Variants in DNAJB1 observed in about 807,000 individuals in gnomAD.
DNAJB1 encodes DnaJ heat shock protein family (Hsp40) member B1.
DNAJB1 carries 14 observed loss-of-function variants against 24.0 expected under a neutral mutation model. The observed-to-expected ratio is 0.58, with a 90% CI of 0.39 to 0.91. The LOEUF (loss-of-function observed/expected upper bound fraction) is 0.91. Among genes scored for constraint, DNAJB1 ranks in the 40% least tolerant of loss-of-function variants. The pLI is 0.00. For synonymous variants in DNAJB1, 262 were observed against 174.4 expected, an observed-to-expected ratio of 1.50 and a Z score of -3.96; for missense variants, 517 against 458.1, an observed-to-expected ratio of 1.13 and a Z score of -1.17.
chr19:14,519,428 C>T (rs576039738), upstream of DNAJB1, among the ~76,000 whole-genome samples: 96 of 152,302 alleles, frequency 6.3e-4, no homozygotes, highest in African/African-American at 2.3e-3. Flanking sequence ...CAGCGCTATT[C>T]TCCCAACCGT....
intron 1 of DNAJB1, among the ~76,000 whole-genome samples, chr19:14,541,543 A>G (rs1365402356): frequency 2.0e-5 from 3 of 152,134 alleles, no homozygotes; most frequent in African/African-American, 7.2e-5. Context: ...CCTCTTATCA[A>G]TGCTAAGAAT....
chr19:14,531,671 C>G (rs2072671463), upstream of DNAJB1: 2 of 152,208 alleles, frequency 1.3e-5, no homozygotes, highest in African/African-American at 4.8e-5. Flanking sequence ...ATCCACCCAC[C>G]TTGGCCTCCC....
upstream of DNAJB1, chr19:14,518,531 G>A (rs1349157156): frequency 4.6e-6 from 2 of 437,028 alleles, no homozygotes; most frequent in Admixed American, 4.7e-5. Context: ...AGCGACACGC[G>A]ACATCCGGGG....
upstream of DNAJB1, among the ~76,000 whole-genome samples, chr19:14,522,487 G>GAAAAAAA (rs60019206): frequency 3.4e-5 from 2 of 59,256 alleles, no homozygotes; most frequent in African/African-American, 5.6e-5. Context: ...CTGTCTCGAA[G>GAAAAAAA]AAAAAAAAAA....
chr19:14,558,434 C>T (rs747331677), intron 1 of DNAJB1, among the ~76,000 whole-genome samples: 8 of 152,300 alleles, frequency 5.3e-5, no homozygotes, highest in South Asian at 2.1e-4. Flanking sequence ...CGCTTCACGC[C>T]GCACCGTGTG....
intron 1 of DNAJB1, among the ~76,000 whole-genome samples, chr19:14,556,072 C>T (rs558956746): frequency 4.2e-4 from 64 of 152,298 alleles, no homozygotes; most frequent in Admixed American, 3.2e-3. Flanking sequence ...TAAAAGCTAA[C>T]GTCCTCCCCG....
At chr19:14,545,006 G>C (rs2146586995) in intron 1 of DNAJB1, 3 of 442,094 alleles carry the variant, frequency 6.8e-6, no homozygotes. Context: ...TCCCTTCTCT[G>C]TTCCCTCCCT....
chr19:14,552,968 G>T (rs1294154292), upstream of DNAJB1, among the ~76,000 whole-genome samples: 2 of 152,122 alleles, frequency 1.3e-5, no homozygotes, highest in African/African-American at 2.4e-5. Context: ...GGGTGGGCCA[G>T]TGCTCCTCGG....
upstream of DNAJB1, chr19:14,530,686 C>T (rs968828631): frequency 1.3e-5 from 2 of 152,122 alleles, no homozygotes; most frequent in Non-Finnish European, 2.9e-5. Context: ...GTCTTAGTTC[C>T]TAGCCACTAT....
rs529057030 is a variant in DNAJB1 at position 14,517,115 on chromosome 19, G to A, written c.212-69C>T. ...CTCTCTCTCGAGCTTCCCTTACAGG[G>A]GGAAACAGCTTGGAAGCCATGGGGG... On this transcript the variant is annotated intron_variant, in intron 1 of 2. Transcript: ENST00000254322. 2.3e-5 allele frequency: 35 copies of A among 1,503,548 alleles called. No homozygotes were observed. In the East Asian group the frequency reaches 6.8e-4, roughly 29 times the overall value. 93.1% of individuals were successfully genotyped at this position (1,503,548 alleles called of 1,614,324 possible).
chr19:14,518,672 G>A (rs969600672), upstream of DNAJB1, among the ~76,000 whole-genome samples: 7 of 152,268 alleles, frequency 4.6e-5, no homozygotes, highest in African/African-American at 1.7e-4. Context: ...CGAGCCAATC[G>A]CGACCTTCTT....
intron 1 of DNAJB1, among the ~76,000 whole-genome samples, chr19:14,536,018 G>T (rs1053266222): frequency 6.6e-6 from 1 of 151,960 alleles, no homozygotes; most frequent in Non-Finnish European, 1.5e-5. Context: ...GAATCTCAGA[G>T]CCCCAGGCTT....
At chr19:14,517,971 C>T (rs2072304000) in intron 1 of DNAJB1, 168 bp downstream of exon 1, 2 of 653,330 alleles carry the variant, frequency 3.1e-6, no homozygotes, top group South Asian at 3.1e-5. Context: ...CCTCCTCCCA[C>T]CGCGCGGCCG....
At position 14,518,263 on chromosome 19, in the gene DNAJB1, C is replaced by T. The variant is rs2072312470; in HGVS notation, c.87G>A (p.Leu29=). The change falls in exon 1 of 3, where the codon CTG becomes CTA. Residue 29 remains leucine (L), a synonymous_variant. Coordinates refer to ENST00000254322, the MANE Select transcript of DNAJB1 (RefSeq NM_006145.3). ...CCTTGTTCTTGTCCGGGTGGTAGCGCAGCGCCTGGCGGCGGTAGGCCCGCT... is the reference window on the plus strand; with the variant it reads ...CCTTGTTCTTGTCCGGGTGGTAGCGTAGCGCCTGGCGGCGGTAGGCCCGCT... ...EIKRAYRRQA[L]RYHPDKNKEP... 1 of 1,608,170 alleles carries T rather than the reference C, an allele frequency of 6.2e-7. No individual in the cohort carries two copies.
chr19:14,532,259 G>C (rs2072699760), upstream of DNAJB1: 1 of 152,106 alleles, frequency 6.6e-6, no homozygotes, highest in African/African-American at 2.4e-5. Context: ...AGAAGGGGGA[G>C]CTTTGGCCAG....
upstream of DNAJB1, chr19:14,529,627 G>A (rs35149836): frequency 1.9e-6 from 3 of 1,612,088 alleles, no homozygotes; most frequent in Non-Finnish European, 2.5e-6. Context: ...GAGCGCTGTA[G>A]GGAGCCTGTG....
upstream of DNAJB1, among the ~76,000 whole-genome samples, chr19:14,550,619 GTGTT>G (rs1385853256): frequency 2.0e-5 from 3 of 152,140 alleles, no homozygotes; most frequent in African/African-American, 7.2e-5. Flanking sequence ...GGGGAGTTGA[GTGTT>G]TGGCCTTTAC....
Position 14,516,564 on chromosome 19 carries a change from G to C in DNAJB1, c.694C>G (p.Pro232Ala), listed in dbSNP as rs1360848056. 2.5e-6 allele frequency: 4 copies of C among 1,614,074 alleles called. No homozygotes were observed. The South Asian group carries it at 4.4e-5, about 18-fold the overall frequency. The change falls in exon 2 of 3, where the codon CCA becomes GCA. Residue 232 changes from proline (P) to alanine (A), a missense_variant. By Grantham distance (27) the Pro-to-Ala change is conservative. Coordinates refer to ENST00000254322, the MANE Select transcript of DNAJB1 (RefSeq NM_006145.3). Reference protein sequence around the residue: ...KEGDQTSNNIPADIVFVLKDK... With the variant: ...KEGDQTSNNIAADIVFVLKDK... ...TTTAAAACAAAGACGATATCAGCTG[G>C]AATGTTGTTGGAGGTCTGGTCTCCT...
rs762921008 is a variant in DNAJB1 at position 14,516,839 on chromosome 19, C to A, written c.419G>T (p.Gly140Val). 4.3e-6 allele frequency: 7 copies of A among 1,613,862 alleles called. No individual in the cohort carries two copies. Among genetic ancestry groups the A allele is most frequent in the Middle Eastern group, 1.7e-4 (1 of 5,898 alleles). The stretch of plus-strand genomic sequence containing the variant: ...GCGGCCAAAGTTCACGTTGGTGAAG[C>A]CACCCATGCCCATAGGGAAGCCAGA... ...PFSGFPMGMG[G>V]FTNVNFGRSR... Residue 140 changes from glycine (G) to valine (V), a missense_variant, in exon 2 of 3, where the codon GGC becomes GTC. Coordinates refer to ENST00000254322, the MANE Select transcript of DNAJB1 (RefSeq NM_006145.3).
Sources: gnomAD v4.1 joint callset for allele counts (sites outside exome capture counted in the v4.1 genomes callset) on GRCh38, gnomAD v4.1.1 for gene constraint, MANE v1.5 for transcripts, NCBI Gene and HGNC (gene_info 2026-07-23, HGNC 2026-07-21) for gene names.